Variants in RGSL1 observed in about 807,000 individuals in gnomAD.
RGSL1 encodes regulator of G protein signaling like 1, also known as regulator of G protein signaling protein-like.
In RGSL1, 97 loss-of-function variants were observed where a neutral mutation model predicts 124.7. That is an observed-to-expected ratio of 0.78 (90% CI 0.66 to 0.92). The LOEUF (loss-of-function observed/expected upper bound fraction) is 0.92, where lower values mean the gene tolerates loss of function less well. Ranked by LOEUF, RGSL1 falls within the 40% of genes least tolerant of loss-of-function variation. The pLI is 0.00. For missense variants in RGSL1, 1,233 were observed against 1,288.4 expected (o/e 0.96, Z 0.66); for synonymous variants, 424 against 438.1 (o/e 0.97, Z 0.40).
At chr1:182,551,286 C>T in intron 18 of RGSL1, 77 bp downstream of exon 18, 1 of 1,189,888 alleles carries the variant, frequency 8.4e-7, no homozygotes, top group Non-Finnish European at 1.2e-6. Flanking sequence ...CCCAAGGGGC[C>T]AAATTCAAGA....
upstream of RGSL1, chr1:182,449,288 A>T (rs1651650733): frequency 6.6e-6 from 1 of 152,234 alleles, no homozygotes; most frequent in Admixed American, 6.5e-5. Flanking sequence ...AAAGTACAGC[A>T]CTTTTTCAAA....
intron 18 of RGSL1, among the ~76,000 whole-genome samples, chr1:182,552,238 C>G (rs940707735): frequency 6.6e-6 from 1 of 152,002 alleles, no homozygotes; most frequent in Non-Finnish European, 1.5e-5. Flanking sequence ...CTCAGCCTCC[C>G]GGGTAGCTGG....
Position 182,464,245 on chromosome 1 carries a change from CAAAT to C in RGSL1, c.301+4115_301+4118del, listed in dbSNP as rs558659661. ...GTTTACATTTTAAAAAGAAAAATCTCAAATAACACAACTTTACAACTTAAGGCTC... is the reference window on the plus strand; with the variant it reads ...GTTTACATTTTAAAAAGAAAAATCTCAACACAACTTTACAACTTAAGGCTC... On this transcript the variant is annotated intron_variant, in intron 4 of 21. Coordinates refer to ENST00000294854, the MANE Select transcript of RGSL1 (RefSeq NM_001137669.2). 5.4e-4 allele frequency among the ~76,000 whole-genome samples: 82 copies of C among 152,096 alleles called. 3 individuals are homozygous for C. The South Asian group carries it at 0.017, about 32-fold the overall frequency.
chr1:182,536,727 T>C (rs1311669335), intron 14 of RGSL1, among the ~76,000 whole-genome samples: 1 of 152,136 alleles, frequency 6.6e-6, no homozygotes, highest in African/African-American at 2.4e-5. Flanking sequence ...ACATCTTACG[T>C]GGATGGCGGC....
At chr1:182,542,090 C>T (rs1659927923) in intron 15 of RGSL1, among the ~76,000 whole-genome samples, 1 of 152,024 alleles carries the variant, frequency 6.6e-6, no homozygotes, top group Non-Finnish European at 1.5e-5. Context: ...TGATGTGATC[C>T]ATTTGTGTGT....
At chr1:182,449,101 T>G (rs1434159178), upstream of RGSL1, among the ~76,000 whole-genome samples, 2 of 152,216 alleles carry the variant, frequency 1.3e-5, no homozygotes, top group Non-Finnish European at 2.9e-5. Context: ...TCTTAAGATG[T>G]GTGCATGTTA....
At chr1:182,481,761 C>T (rs186341040) in intron 6 of RGSL1, among the ~76,000 whole-genome samples, 166 of 148,378 alleles carry the variant, frequency 1.1e-3, no homozygotes, top group Non-Finnish European at 2.2e-3. Context: ...AGTGGGATTG[C>T]TTGAGCCCAG....
Position 182,529,832 on chromosome 1 carries a change from G to T in RGSL1, c.2126-412G>T, listed in dbSNP as rs77116378. 5.9e-3 allele frequency among the ~76,000 whole-genome samples: 891 copies of T among 152,160 alleles called. 25 individuals are homozygous for T. In the East Asian group the frequency reaches 0.085, roughly 15 times the overall value. ...CTCATTAATGAACACAGCAGTTTCT[G>T]AACAACTGGAGAAACAAACTGCCCT... On this transcript the variant is annotated intron_variant, in intron 11 of 21. Coordinates refer to ENST00000294854, the MANE Select transcript of RGSL1 (RefSeq NM_001137669.2).
At chr1:182,513,900 T>TC (rs1235050165) in intron 9 of RGSL1, among the ~76,000 whole-genome samples, 1 of 150,442 alleles carries the variant, frequency 6.6e-6, no homozygotes, top group Non-Finnish European at 1.5e-5. Flanking sequence ...TCCCTATCTT[T>TC]TTTTTTTTTT....
chr1:182,465,493 A>G (rs1295246773), intron 4 of RGSL1, among the ~76,000 whole-genome samples: 1 of 151,824 alleles, frequency 6.6e-6, no homozygotes, highest in Middle Eastern at 3.2e-3. Context: ...AGATAGCATT[A>G]GGAGATATAC....
intron 9 of RGSL1, among the ~76,000 whole-genome samples, chr1:182,509,481 A>C (rs370542440): frequency 2.0e-5 from 1 of 49,130 alleles, no homozygotes; most frequent in African/African-American, 9.8e-5. Flanking sequence ...GCGGCTGGCC[A>C]GGCGGGGGGC....
chr1:182,554,757 A>G, intron 20 of RGSL1, 64 bp downstream of exon 20: 1 of 1,480,028 alleles, frequency 6.8e-7, no homozygotes, highest in African/African-American at 1.4e-5. Flanking sequence ...ATGCAATAGG[A>G]GATGGTATAA....
At chr1:182,502,227 C>T (rs1356449411) in intron 9 of RGSL1, among the ~76,000 whole-genome samples, 2 of 152,098 alleles carry the variant, frequency 1.3e-5, no homozygotes, top group African/African-American at 2.4e-5. Context: ...GTAGATGCTT[C>T]TACTCCCTAT....
chr1:182,539,467 C>A (rs1404968694), intron 14 of RGSL1, among the ~76,000 whole-genome samples: 3 of 152,152 alleles, frequency 2.0e-5, no homozygotes, highest in African/African-American at 7.2e-5. Context: ...GGAAACCCAC[C>A]TACACCATAG....
In RGSL1 at chr1:182,522,026, G is replaced by A. The variant is rs1363597970; in HGVS notation, c.1848G>A (p.Lys616=). The part of the protein sequence containing the change: ...PKIDFKMEII[K]ETKTVSRSNR... ...TAGATTTTAAAATGGAAATTATCAA[G>A]GAAACAAAGACAGTTTCACGCTCAA... Residue 616 remains lysine, a synonymous_variant, in exon 10 of 22, where the codon AAG becomes AAA. Transcript: ENST00000294854. The A allele has an allele frequency of 2.6e-6, 4 of 1,543,152 alleles. No individual in the cohort carries two copies. The African/African-American group carries it at 5.5e-5, about 21-fold the overall frequency.
At chr1:182,454,803 T>C (rs1055031795) in intron 2 of RGSL1, among the ~76,000 whole-genome samples, 1 of 152,204 alleles carries the variant, frequency 6.6e-6, no homozygotes, top group Non-Finnish European at 1.5e-5. Context: ...AAAGTATTCT[T>C]AAACTCAAAC....
At chr1:182,494,007 C>A (rs1655721956) in intron 9 of RGSL1, among the ~76,000 whole-genome samples, 1 of 152,196 alleles carries the variant, frequency 6.6e-6, no homozygotes, top group Non-Finnish European at 1.5e-5. Flanking sequence ...TATTCCTCTT[C>A]TTCCTCTCCT....
intron 9 of RGSL1, among the ~76,000 whole-genome samples, chr1:182,516,196 G>A (rs562417638): frequency 2.9e-4 from 44 of 152,328 alleles, no homozygotes; most frequent in Non-Finnish European, 5.0e-4. Flanking sequence ...AGAGGTGGCA[G>A]GCCAGAAGGC....
At chr1:182,470,054 G>A (rs928985618) in intron 4 of RGSL1, among the ~76,000 whole-genome samples, 1 of 152,014 alleles carries the variant, frequency 6.6e-6, no homozygotes, top group African/African-American at 2.4e-5. Flanking sequence ...TTTCAGTTTT[G>A]CAAGATGAAA....
Sources: allele counts gnomAD v4.1 joint callset (sites outside exome capture counted in the v4.1 genomes callset), GRCh38; gene constraint gnomAD v4.1.1; transcripts MANE v1.5; gene names NCBI Gene and HGNC (gene_info 2026-07-23, HGNC 2026-07-21).